Variants in ADAM8 observed in about 807,000 individuals in gnomAD.
ADAM8 encodes the protein disintegrin and metalloproteinase domain-containing protein 8.
In ADAM8, 104 loss-of-function variants were observed where a neutral mutation model predicts 102.4. The observed-to-expected ratio is 1.02, with a 90% CI of 0.87 to 1.20. The LOEUF (loss-of-function observed/expected upper bound fraction) is 1.20. ADAM8 is among the 50% of genes most tolerant of loss of function. The pLI, the probability that ADAM8 is intolerant of heterozygous loss-of-function variation, is 0.00. For synonymous variants in ADAM8, 517 were observed against 485.2 expected, an observed-to-expected ratio of 1.07 and a Z score of -0.86; for missense variants, 1,132 against 1,159.0, an observed-to-expected ratio of 0.98 and a Z score of 0.34.
chr10:133,265,754 C>T (rs1266740144), intron 21 of ADAM8, among the ~76,000 whole-genome samples: 1 of 151,656 alleles, frequency 6.6e-6, no homozygotes, highest in Admixed American at 6.6e-5. Context: ...GCTGAGATCG[C>T]GCCACTGCAC....
chr10:133,271,773 A>G (rs1350113868), intron 11 of ADAM8, 33 bp downstream of exon 11: 13 of 1,586,436 alleles, frequency 8.2e-6, no homozygotes, highest in Admixed American at 1.7e-5. Context: ...TACCTCCAGC[A>G]TACCCTGGCT....
chr10:133,267,793 TG>T (rs1201903289), intron 20 of ADAM8, 135 bp downstream of exon 20: 2 of 947,518 alleles, frequency 2.1e-6, no homozygotes, highest in Non-Finnish European at 2.9e-6. Flanking sequence ...GCAGCTGCTC[TG>T]GGCCTCGGGG....
intron 17 of ADAM8, 94 bp from the exon 18 acceptor site, chr10:133,269,623 C>T (rs1846450731): frequency 2.3e-6 from 3 of 1,304,790 alleles, no homozygotes; most frequent in African/African-American, 1.5e-5. Flanking sequence ...GGGCCAGCCC[C>T]ACCCCCGAGG....
chr10:133,269,814 C>T (rs1482138697), intron 17 of ADAM8, 83 bp downstream of exon 17: 12 of 1,483,012 alleles, frequency 8.1e-6, no homozygotes, highest in Middle Eastern at 2.2e-4. Context: ...CTCAGGCTCC[C>T]GTGTCCAGAG....
intron 21 of ADAM8, among the ~76,000 whole-genome samples, chr10:133,264,599 G>A (rs548772490): frequency 1.3e-5 from 2 of 152,324 alleles, no homozygotes; most frequent in East Asian, 3.9e-4. Flanking sequence ...GGAAGCCCGT[G>A]AGAGTGAAGA....
Position 133,272,250 on chromosome 10 carries a change from G to A in ADAM8, c.900C>T (p.Thr300=), listed in dbSNP as rs1131718. ...TGGCGGACACCCTGGCAAACCCCAC[G>A]GTAGTCCCGGTGAAGTCGACACCCC... ...LITGVDFTGT[T]VGFARVSAMC... Residue 300 remains threonine (T), a synonymous_variant, in exon 10 of 23, where the codon ACC becomes ACT. Transcript: ENST00000445355. 1,326,157 of 1,546,130 alleles carry A rather than the reference G, an allele frequency of 0.86. 569,380 individuals are homozygous for A. The highest frequency in any genetic ancestry group is 0.93 in the East Asian group (38,096 of 40,778).
chr10:133,275,139 C>CA lies in ADAM8; in HGVS notation c.150+344dup, dbSNP rs566401577. On this transcript the variant is annotated intron_variant, in intron 2 of 22. Transcript: ENST00000445355. ...GGAAACCCCCGCCAGGCCCCCCCCCCAACACAGGAAGGTGTGTCAACTCTG... is the reference window on the plus strand; with the variant it reads ...GGAAACCCCCGCCAGGCCCCCCCCCCAAACACAGGAAGGTGTGTCAACTCTG... 6.8e-4 allele frequency: 238 copies of CA among 351,556 alleles called. 2 individuals carry two copies. The South Asian group carries it at 7.1e-3, about 10-fold the overall frequency. The allele number at this position is 351,556 out of a possible 1,614,324, so 21.8% of individuals were successfully genotyped here.
chr10:133,269,076 C>T (rs1195006663), intron 18 of ADAM8: 4 of 985,334 alleles, frequency 4.1e-6, no homozygotes, highest in South Asian at 4.7e-5. Context: ...GCTGTGGGCA[C>T]GGCTGTGCCT....
intron 21 of ADAM8, 52 bp downstream of exon 21, chr10:133,267,300 G>C: frequency 6.4e-7 from 1 of 1,553,068 alleles, no homozygotes; most frequent in Middle Eastern, 1.7e-4. Flanking sequence ...AATCCCATCA[G>C]GAAGGCCTGG....
chr10:133,270,540 C>A, intron 15 of ADAM8, 30 bp from the exon 16 acceptor site: 1 of 1,572,016 alleles, frequency 6.4e-7, no homozygotes, highest in Admixed American at 1.7e-5. Flanking sequence ...CGTGGGCCAG[C>A]TTGCCTGGGA....
In ADAM8 at chr10:133,270,900, G is replaced by T; in HGVS notation, c.1545C>A (p.Cys515Ter). 6.2e-7 allele frequency: 1 copy of T among 1,611,700 alleles called. No homozygotes were observed. Among genetic ancestry groups the T allele is most frequent in the Non-Finnish European group, 8.5e-7 (1 of 1,179,144 alleles). Residue 515 changes from cysteine (C) to a stop codon, truncating the protein, a stop_gained, in exon 14 of 23, where the codon TGC (cysteine) becomes TGA (stop). Transcript: ENST00000445355. LOFTEE classifies it high-confidence loss of function. The part of the protein sequence containing the change: ...NGACPTLAQQ[C>*]QAFWGPGGQA... ...CTTCACCTGGCCCCCAGAAGGCCTGGCACTGCTGGGCCAGTGTGGGACAGG... is the reference window on the plus strand; with the variant it reads ...CTTCACCTGGCCCCCAGAAGGCCTGTCACTGCTGGGCCAGTGTGGGACAGG...
At position 133,276,846 on chromosome 10, in the gene ADAM8, G is replaced by A. The variant is rs893839094; in HGVS notation, c.-29C>T. 4.0e-6 allele frequency: 6 copies of A among 1,515,400 alleles called. No individual in the cohort carries two copies. The Middle Eastern group carries it at 8.9e-4, about 226-fold the overall frequency. 93.9% of individuals were successfully genotyped at this position (1,515,400 alleles called of 1,614,324 possible). A position where few individuals can be genotyped will look rare whatever the true frequency, so the allele number is the denominator to read the frequency against. On this transcript the variant is annotated 5_prime_UTR_variant, in exon 1 of 23. Coordinates refer to ENST00000445355, the MANE Select transcript of ADAM8 (RefSeq NM_001109.5). ...CGGGTCGGGGAGCAGAGGCGGAGGT[G>A]ACAGCCCCGCGGGACACGGTCTGGT... is the stretch of plus-strand genomic sequence containing the variant.
chr10:133,269,797 C>T (rs1846458445), intron 17 of ADAM8, 100 bp downstream of exon 17: 6 of 1,394,610 alleles, frequency 4.3e-6, no homozygotes, highest in South Asian at 2.3e-5. Context: ...CGCCAGGCTC[C>T]CCCAGCCTCA....
At chr10:133,266,755 C>T (rs1164096869) in intron 21 of ADAM8, among the ~76,000 whole-genome samples, 1 of 152,204 alleles carries the variant, frequency 6.6e-6, no homozygotes, top group African/African-American at 2.4e-5. Flanking sequence ...TCCTTCTCCA[C>T]CCACTGCCAG....
Position 133,276,823 on chromosome 10 carries a change from G to A in ADAM8, c.-6C>T. On this transcript the variant is annotated 5_prime_UTR_variant, in exon 1 of 23. Coordinates refer to ENST00000445355, the MANE Select transcript of ADAM8 (RefSeq NM_001109.5). ...CAGAGCCCGAGGCCGCGCATGGCCG[G>A]GTCGGGGAGCAGAGGCGGAGGTGAC... 1.3e-6 allele frequency: 2 copies of A among 1,525,560 alleles called. No homozygotes were observed. The highest frequency in any genetic ancestry group is 1.8e-6 in the Non-Finnish European group (2 of 1,139,808). The allele number at this position is 1,525,560 out of a possible 1,614,324, so 94.5% of individuals were successfully genotyped here.
In ADAM8 at chr10:133,262,894, C is replaced by T; in HGVS notation, c.*262G>A. 1 of 603,522 alleles carries T rather than the reference C, an allele frequency of 1.7e-6. No individual in the cohort carries two copies. Among genetic ancestry groups the T allele is most frequent in the Non-Finnish European group, 3.0e-6 (1 of 334,688 alleles). The allele number at this position is 603,522 out of a possible 1,614,324, so 37.4% of individuals were successfully genotyped here. A position where few individuals can be genotyped will look rare whatever the true frequency, so the allele number is the denominator to read the frequency against. The stretch of plus-strand genomic sequence containing the variant: ...ACCTGGAGACACGTACACACACACG[C>T]ACCCGCAAGCACACAGCTCATCCCA... On this transcript the variant is annotated 3_prime_UTR_variant, in exon 23 of 23. Coordinates refer to ENST00000445355, the MANE Select transcript of ADAM8 (RefSeq NM_001109.5).
At position 133,268,769 on chromosome 10, in the gene ADAM8, G is replaced by T. The variant is rs779256031; in HGVS notation, c.2042C>A (p.Ala681Asp). 5.0e-5 allele frequency: 80 copies of T among 1,610,670 alleles called. No individual in the cohort carries two copies. In the South Asian group the frequency reaches 8.1e-4, roughly 16 times the overall value. Residue 681 changes from alanine to aspartate, a missense_variant, in exon 19 of 23, where the codon GCC becomes GAC. Ala to Asp is a moderately radical substitution (Grantham distance 126). Transcript: ENST00000445355. ...TCACCTGCTCAGGATGCGGCTCCGG[G>T]CTTTGCGGTAGACGATGATGCCTGC... is the stretch of plus-strand genomic sequence containing the variant. ...TLAGIIVYRKARSRILSRNVA... is the reference protein window; with the variant it reads ...TLAGIIVYRKDRSRILSRNVA...
At position 133,274,223 on chromosome 10, in the gene ADAM8, C is replaced by T. The variant is rs1554931671; in HGVS notation, c.163G>A (p.Glu55Lys). ...ALPSHLGLHPERVSYVLGATG... is the reference protein window; with the variant it reads ...ALPSHLGLHPKRVSYVLGATG... ...GCCCCAAGGACGTAGCTCACCCTCTCTGGGTGCAGGCCCTGAGCGAGGAGG... is the reference window on the plus strand; with the variant it reads ...GCCCCAAGGACGTAGCTCACCCTCTTTGGGTGCAGGCCCTGAGCGAGGAGG... The change falls in exon 3 of 23, where the codon GAG (glutamate) becomes AAG (lysine). Residue 55 changes from glutamate to lysine, a missense_variant. By Grantham distance (56) the Glu-to-Lys change is moderately conservative. Coordinates refer to ENST00000445355, the MANE Select transcript of ADAM8 (RefSeq NM_001109.5). 3.2e-6 allele frequency: 5 copies of T among 1,573,588 alleles called. No individual in the cohort carries two copies. In the South Asian group the frequency reaches 5.9e-5, roughly 18 times the overall value.
intron 21 of ADAM8, among the ~76,000 whole-genome samples, chr10:133,265,999 A>G (rs1322074726): frequency 6.6e-6 from 1 of 152,158 alleles, no homozygotes; most frequent in Non-Finnish European, 1.5e-5. Context: ...TGCTCCAACT[A>G]GGCGCTGTGT....
Sources: allele counts gnomAD v4.1 joint callset (sites outside exome capture counted in the v4.1 genomes callset), GRCh38; gene constraint gnomAD v4.1.1; transcripts MANE v1.5; gene names NCBI Gene and HGNC (gene_info 2026-07-23, HGNC 2026-07-21).